The following AQR variants were observed in gnomAD, a reference collection of about 807,000 sequenced individuals.
AQR encodes aquarius intron-binding spliceosomal factor, also known as RNA helicase aquarius.
In AQR, 61 loss-of-function variants were observed where a neutral mutation model predicts 180.5. The observed-to-expected ratio is 0.34, with a 90% CI of 0.28 to 0.42. The LOEUF is 0.42. Ranked by LOEUF, AQR falls within the 10% of genes least tolerant of loss-of-function variation. The probability of loss-of-function intolerance (pLI) is 1.00; values close to 1 mark genes in which losing one functional copy is unlikely to be tolerated. For missense variants in AQR, 1,281 were observed against 1,798.3 expected (o/e 0.71, Z 5.20); for synonymous variants, 551 against 588.8 (o/e 0.94, Z 0.93).
Position 34,964,238 on chromosome 15 carries a change from A to G in AQR, c.128T>C (p.Ile43Thr). The part of the protein sequence containing the change: ...PHIKKKSPFD[I>T]KVIEDIYEKE... The stretch of plus-strand genomic sequence containing the variant: ...GTTGAAACCAAAAATACTTACCTTT[A>G]TATCAAAAGGTGATTTCTTCTTGAT... The change falls in exon 2 of 35, where the codon ATA becomes ACA. Residue 43 changes from isoleucine (I) to threonine (T), a missense_variant. Ile to Thr is a moderately conservative substitution (Grantham distance 89, BLOSUM62 -1). Transcript: ENST00000156471. 1.2e-6 allele frequency: 2 copies of G among 1,600,356 alleles called. No homozygotes were observed. The highest frequency in any genetic ancestry group is 1.1e-5 in the South Asian group (1 of 89,968).
chr15:34,900,533 T>C, intron 20 of AQR, 89 bp downstream of exon 20: 6 of 1,499,402 alleles, frequency 4.0e-6, no homozygotes, highest in Non-Finnish European at 4.5e-6. Context: ...AATATAGTAC[T>C]CAAAACTCAC....
chr15:34,939,191 C>T (rs1245594177), intron 8 of AQR, among the ~76,000 whole-genome samples: 1 of 149,536 alleles, frequency 6.7e-6, no homozygotes, highest in Non-Finnish European at 1.5e-5. Flanking sequence ...GCCTCAGCCT[C>T]TCGAGTAGCT....
Position 34,885,002 on chromosome 15 carries a change from C to T in AQR, c.2818-268G>A, listed in dbSNP as rs1199725031. Among the ~76,000 whole-genome samples, 6 of 151,626 alleles carry T rather than the reference C, an allele frequency of 4.0e-5. No individual in the cohort carries two copies. The South Asian group carries it at 1.2e-3, about 31-fold the overall frequency. On this transcript the variant is annotated intron_variant, in intron 25 of 34. Coordinates refer to ENST00000156471, the MANE Select transcript of AQR (RefSeq NM_014691.3). ...AGCCTTAACATCATCTCATAGAACTCTAACTCCGACAGTTCAGATTCTCCA... is the reference window on the plus strand; with the variant it reads ...AGCCTTAACATCATCTCATAGAACTTTAACTCCGACAGTTCAGATTCTCCA...
At chr15:34,944,989 T>C (rs62006150) in intron 5 of AQR, among the ~76,000 whole-genome samples, 18,911 of 152,214 alleles carry the variant, frequency 0.12, 1,412 homozygotes, top group East Asian at 0.3. Context: ...AGACAAGCTC[T>C]CCTGAAGCTG....
intron 5 of AQR, among the ~76,000 whole-genome samples, chr15:34,947,111 C>T (rs1284483751): frequency 1.3e-5 from 2 of 152,028 alleles, no homozygotes; most frequent in East Asian, 1.9e-4. Flanking sequence ...GGATGGTTGC[C>T]GTGTCTGTGT....
chr15:34,941,656 T>C (rs1286503144), intron 7 of AQR, among the ~76,000 whole-genome samples: 1 of 152,116 alleles, frequency 6.6e-6, no homozygotes, highest in Non-Finnish European at 1.5e-5. Flanking sequence ...TGGAAGTCAT[T>C]AATATTAGGT....
At chr15:34,947,724 C>G (rs567264202) in intron 5 of AQR, among the ~76,000 whole-genome samples, 5 of 152,076 alleles carry the variant, frequency 3.3e-5, no homozygotes, top group Non-Finnish European at 5.9e-5. Context: ...ATTGCAGCCT[C>G]GAACTCCTGG....
At chr15:34,873,115 T>C (rs1892843883) in intron 30 of AQR, among the ~76,000 whole-genome samples, 1 of 152,116 alleles carries the variant, frequency 6.6e-6, no homozygotes, top group Non-Finnish European at 1.5e-5. Context: ...GAATATGTAA[T>C]AATGCAATTA....
At chr15:34,958,251 A>G (rs1894357005) in intron 3 of AQR, among the ~76,000 whole-genome samples, 1 of 152,062 alleles carries the variant, frequency 6.6e-6, no homozygotes, top group African/African-American at 2.4e-5. Context: ...GTGGTGGCTA[A>G]TTCCTATAAT....
chr15:34,964,110 T>A (rs763731228), intron 2 of AQR, 124 bp downstream of exon 2: 98 of 707,124 alleles, frequency 1.4e-4, no homozygotes, highest in Non-Finnish European at 2.1e-4. Context: ...AGCAAAAAAT[T>A]GTATTTTTTG....
intron 10 of AQR, among the ~76,000 whole-genome samples, chr15:34,933,167 A>G (rs1893892090): frequency 6.6e-6 from 1 of 152,342 alleles, no homozygotes. Context: ...CTATAGCTTG[A>G]AAATTACTAA....
At chr15:34,899,806 A>G (rs1893303040) in intron 20 of AQR, among the ~76,000 whole-genome samples, 2 of 152,326 alleles carry the variant, frequency 1.3e-5, no homozygotes, top group Admixed American at 1.3e-4. Context: ...AATTCAGGGA[A>G]TAACAACCAA....
Position 34,969,580 on chromosome 15 carries a change from C to T in AQR, c.34G>A (p.Ala12Thr), listed in dbSNP as rs780218820. 1 of 1,613,734 alleles carries T rather than the reference C, an allele frequency of 6.2e-7. No homozygotes were observed. Among genetic ancestry groups the T allele is most frequent in the Non-Finnish European group, 8.5e-7 (1 of 1,180,018 alleles). Residue 12 changes from alanine (A) to threonine (T), a missense_variant, in exon 1 of 35, where the codon GCC becomes ACC. Physicochemically the swap from Ala to Thr is moderately conservative, Grantham distance 58. This residue lies in a region of AQR where 404 missense variants were observed against 490.9 expected (regional missense o/e 0.82). Transcript: ENST00000156471. Reference protein sequence around the residue: ...AAPAQPKKIVAPTVSQINAEF... With the variant: ...AAPAQPKKIVTPTVSQINAEF... ...GCATTGATTTGGGACACCGTAGGGG[C>T]CACGATCTTCTTGGGCTGCGCAGGG...
rs1277340493 is a variant in AQR, at chr15:34,897,586, C to T, written c.2363G>A (p.Gly788Asp). 1 of 1,614,032 alleles carries T rather than the reference C, an allele frequency of 6.2e-7. No homozygotes were observed. Among genetic ancestry groups the T allele is most frequent in the East Asian group, 2.2e-5 (1 of 44,864 alleles). The change falls in exon 21 of 35, where the codon GGT becomes GAT. Residue 788 changes from glycine (G) to aspartate (D), a missense_variant. Physicochemically the swap from Gly to Asp is moderately conservative, Grantham distance 94. This residue lies in a region of AQR where 112 missense variants were observed against 128.6 expected (regional missense o/e 0.87). Transcript: ENST00000156471. ...TTTGGGTTGATTATAAGGATAAGGA[C>T]CCCTATTAGGAATAACATGGGGCTC... ...IVEPHVIPNR[G>D]PYPYNQPKRN...
At chr15:34,857,754 A>C (rs1892609060) in intron 34 of AQR, among the ~76,000 whole-genome samples, 1 of 151,562 alleles carries the variant, frequency 6.6e-6, no homozygotes. Flanking sequence ...CTGTCTCAAG[A>C]AAAAGAAAAA....
chr15:34,897,667 C>T lies in AQR; in HGVS notation c.2282G>A (p.Arg761Lys), dbSNP rs762111962. 6.2e-7 allele frequency: 1 copy of T among 1,614,018 alleles called. No homozygotes were observed. Among genetic ancestry groups the T allele is most frequent in the Non-Finnish European group, 8.5e-7 (1 of 1,179,962 alleles). Residue 761 changes from arginine to lysine, a missense_variant, in exon 21 of 35, where the codon AGG (arginine) becomes AAG (lysine). This residue lies in a region of AQR where 112 missense variants were observed against 128.6 expected (regional missense o/e 0.87). Coordinates refer to ENST00000156471, the MANE Select transcript of AQR (RefSeq NM_014691.3). Reference protein sequence around the residue: ...FPVRSGKGKKRKDADVEDEDT... With the variant: ...FPVRSGKGKKKKDADVEDEDT... ...TTCATCTTCCACATCCGCATCTTTC[C>T]TTTTCTTCCCTTTTCCACTTCTTAC...
At chr15:34,949,573 C>T (rs1208812575) in intron 4 of AQR, among the ~76,000 whole-genome samples, 1 of 133,776 alleles carries the variant, frequency 7.5e-6, no homozygotes, top group East Asian at 2.3e-4. Flanking sequence ...CGCGCCACTG[C>T]ACTCCAGCCT....
At chr15:34,941,971 A>G (rs1894029455) in intron 7 of AQR, 41 bp downstream of exon 7, 2 of 1,516,654 alleles carry the variant, frequency 1.3e-6, no homozygotes, top group African/African-American at 1.4e-5. Context: ...CGTTCTACTT[A>G]TAACACATAC....
chr15:34,935,207 T>C (rs760789870), intron 9 of AQR, among the ~76,000 whole-genome samples: 1 of 152,182 alleles, frequency 6.6e-6, no homozygotes, highest in Non-Finnish European at 1.5e-5. Context: ...TTTAAATCAC[T>C]AGCTTATTAT....
Sources: gnomAD v4.1 joint callset for allele counts (sites outside exome capture counted in the v4.1 genomes callset) on GRCh38, gnomAD v4.1.1 for gene constraint, gnomAD v4.1.1 regional missense constraint, MANE v1.5 for transcripts, NCBI Gene and HGNC (gene_info 2026-07-23, HGNC 2026-07-21) for gene names.